The following DBP variants were observed in gnomAD, a reference collection of about 807,000 sequenced individuals.
DBP encodes the protein D-box binding PAR bZIP transcription factor, also known as D site-binding protein.
Under a neutral mutation model 21.4 loss-of-function variants are expected in DBP, and 12 were observed. That is an observed-to-expected ratio of 0.56 (90% CI 0.36 to 0.91). The LOEUF is 0.91. Among genes scored for constraint, DBP ranks in the 40% least tolerant of loss-of-function variants. The pLI, the probability that DBP is intolerant of heterozygous loss-of-function variation, is 0.01. For synonymous variants in DBP, 213 were observed against 224.9 expected (o/e 0.95, Z 0.47); for missense variants, 423 against 473.4 (o/e 0.89, Z 0.99).
chr19:48,630,663 G>A lies in DBP; in HGVS notation c.*174C>T. 1.4e-6 allele frequency: 2 copies of A among 1,446,874 alleles called. No homozygotes were observed. The highest frequency in any genetic ancestry group is 1.8e-6 in the Non-Finnish European group (2 of 1,095,538). The allele number at this position is 1,446,874 out of a possible 1,614,324, so 89.6% of individuals were successfully genotyped here. On this transcript the variant is annotated 3_prime_UTR_variant, in exon 4 of 4. Transcript: ENST00000222122. This position sits in a 1 kb window ranked among gnomAD's most constrained non-coding sequence, Gnocchi z 4.9. ...CACACAGAGAACCCTCCCCGCCCCC[G>A]CAAGGGAGGGGGGAGGCTCGCTTTT...
Position 48,630,712 on chromosome 19 carries a change from T to A in DBP, c.*125A>T. On this transcript the variant is annotated 3_prime_UTR_variant, in exon 4 of 4. Coordinates refer to ENST00000222122, the MANE Select transcript of DBP (RefSeq NM_001352.5). This position sits in a 1 kb window ranked among gnomAD's most constrained non-coding sequence, Gnocchi z 4.9. ...TTTCTTAAAAATATAAATGTATTTA[T>A]CTGCATTATCACGTCCCTGGGGCAC... 7.1e-7 allele frequency: 1 copy of A among 1,408,142 alleles called. No individual in the cohort carries two copies. Among genetic ancestry groups the A allele is most frequent in the Admixed American group, 2.6e-5 (1 of 38,132 alleles). The allele number at this position is 1,408,142 out of a possible 1,614,324, so 87.2% of individuals were successfully genotyped here.
At chr19:48,636,593 G>A (rs2030810083) in intron 1 of DBP, among the ~76,000 whole-genome samples, 1 of 150,748 alleles carries the variant, frequency 6.6e-6, no homozygotes, top group Non-Finnish European at 1.5e-5. Flanking sequence ...AGGAGGCTGG[G>A]GCCTACACTC....
rs1373079427 is a variant in DBP at position 48,633,525 on chromosome 19, T to C, written c.681A>G (p.Arg227=). 3.1e-6 allele frequency: 5 copies of C among 1,614,092 alleles called. No homozygotes were observed. Among genetic ancestry groups the C allele is most frequent in the African/African-American group, 2.7e-5 (2 of 74,920 alleles). Residue 227 remains arginine, a synonymous_variant, in exon 3 of 4, where the codon AGA becomes AGG. Transcript: ENST00000222122. The part of the protein sequence containing the change: ...IPGHETFDPR[R]HRFSEEELKP... ...TAAGTTCCTCTTCTGAGAAGCGATG[T>C]CTTCGAGGGTCAAAGGTCTCGTGGC...
At position 48,630,664 on chromosome 19, in the gene DBP, C is replaced by G. The variant is rs889984727; in HGVS notation, c.*173G>C. 13 of 1,445,954 alleles carry G rather than the reference C, an allele frequency of 9.0e-6. No homozygotes were observed. The African/African-American group carries it at 1.9e-4, about 21-fold the overall frequency. The allele number at this position is 1,445,954 out of a possible 1,614,324, so 89.6% of individuals were successfully genotyped here. On this transcript the variant is annotated 3_prime_UTR_variant, in exon 4 of 4. Transcript: ENST00000222122. The surrounding 1 kb of genome is among the most constrained non-coding windows in gnomAD (Gnocchi z 4.9). ...ACACAGAGAACCCTCCCCGCCCCCGCAAGGGAGGGGGGAGGCTCGCTTTTT... is the reference window on the plus strand; with the variant it reads ...ACACAGAGAACCCTCCCCGCCCCCGGAAGGGAGGGGGGAGGCTCGCTTTTT...
chr19:48,630,515 A>G lies in DBP; in HGVS notation c.*322T>C. 6.5e-7 allele frequency: 1 copy of G among 1,533,382 alleles called. No homozygotes were observed. Among genetic ancestry groups the G allele is most frequent in the Non-Finnish European group, 8.7e-7 (1 of 1,145,786 alleles). 95.0% of individuals were successfully genotyped at this position (1,533,382 alleles called of 1,614,324 possible). ...CAGCCCGGAGCTGCCCACGGGCTGC[A>G]GCCAGTATGCCAGGGAGCTGCCCTC... On this transcript the variant is annotated 3_prime_UTR_variant, in exon 4 of 4. Transcript: ENST00000222122. This position sits in a 1 kb window ranked among gnomAD's most constrained non-coding sequence, Gnocchi z 4.9.
Position 48,635,845 on chromosome 19 carries a change from G to C in DBP, c.285C>G (p.Pro95=). ...GSPRGRPGPV[P]APGLLAPLLW... is the part of the protein sequence containing the mutation. The stretch of plus-strand genomic sequence containing the variant: ...GCAGTGGCGCCAACAGACCCGGGGC[G>C]GGCACCGGCCCCGGGCGCCCCCGCG... Residue 95 remains proline, a synonymous_variant, in exon 2 of 4, where the codon CCC becomes CCG. Coordinates refer to ENST00000222122, the MANE Select transcript of DBP (RefSeq NM_001352.5). The C allele has an allele frequency of 7.1e-7, 1 of 1,403,874 alleles. No homozygotes were observed. The highest frequency in any genetic ancestry group is 9.2e-7 in the Non-Finnish European group (1 of 1,090,196). 87.0% of individuals were successfully genotyped at this position (1,403,874 alleles called of 1,614,324 possible).
intron 2 of DBP, 134 bp from the exon 3 acceptor site, chr19:48,633,789 C>A: frequency 1.4e-6 from 1 of 740,576 alleles, no homozygotes; most frequent in South Asian, 1.7e-5. Context: ...AGGGATTAAT[C>A]TCCCTAATAT....
Sources: gnomAD v4.1 joint callset for allele counts (sites outside exome capture counted in the v4.1 genomes callset) on GRCh38, gnomAD v4.1.1 for gene constraint, Gnocchi (gnomAD v3.1) non-coding constraint, MANE v1.5 for transcripts, NCBI Gene and HGNC (gene_info 2026-07-23, HGNC 2026-07-21) for gene names.